The following CDCA7L variants were observed in gnomAD, a reference collection of about 807,000 sequenced individuals.
The protein encoded by CDCA7L is cell division cycle-associated 7-like protein.
In CDCA7L, 44 loss-of-function variants were observed where a neutral mutation model predicts 57.4. The ratio of observed to expected loss-of-function variants is 0.77; its 90% CI spans 0.60 to 0.98. The LOEUF is 0.98. Among genes scored for constraint, CDCA7L ranks in the 50% least tolerant of loss-of-function variants. The pLI, the probability that CDCA7L is intolerant of heterozygous loss-of-function variation, is 0.00. For synonymous variants in CDCA7L, 236 were observed against 202.8 expected (o/e 1.16, Z -1.39); for missense variants, 644 against 580.6 (o/e 1.11, Z -1.12).
At chr7:21,918,654 T>C (rs1268152936) in intron 1 of CDCA7L, among the ~76,000 whole-genome samples, 1 of 152,070 alleles carries the variant, frequency 6.6e-6, no homozygotes, top group African/African-American at 2.4e-5. Flanking sequence ...AATTTGGGAG[T>C]TGAATCCGGA....
At chr7:21,905,716 G>C (rs1010381993) in intron 6 of CDCA7L, 85 bp from the exon 7 acceptor site, 1 of 1,422,264 alleles carries the variant, frequency 7.0e-7, no homozygotes, top group East Asian at 2.5e-5. Context: ...CAAAGATCTA[G>C]CACCATTAAT....
chr7:21,901,760 C>CA lies in CDCA7L; in HGVS notation c.*561dup, dbSNP rs963298926. ...AGAGGCTAGCACTCTGTAAGGCCTC[C>CA]AGTGTCCAGTGTCTACAATGTTGAT... is the stretch of plus-strand genomic sequence containing the variant. On this transcript the variant is annotated 3_prime_UTR_variant, in exon 10 of 10. Transcript: ENST00000406877. The CA allele has an allele frequency of 7.1e-4, 11 of 15,422 alleles. No individual in the cohort carries two copies. Among genetic ancestry groups the CA allele is most frequent in the African/African-American group, 8.6e-4 (11 of 12,808 alleles). The allele number at this position is 15,422 out of a possible 1,614,324, so 1.0% of individuals were successfully genotyped here. A position where few individuals can be genotyped will look rare whatever the true frequency, so the allele number is the denominator to read the frequency against.
At chr7:21,931,915 C>T (rs1469988597) in intron 1 of CDCA7L, among the ~76,000 whole-genome samples, 5 of 152,198 alleles carry the variant, frequency 3.3e-5, no homozygotes, top group Non-Finnish European at 5.9e-5. Context: ...AAAATCCCAT[C>T]GTCTCAGCCC....
chr7:21,923,139 TTTATG>T (rs1178884730), intron 1 of CDCA7L, among the ~76,000 whole-genome samples: 1 of 152,100 alleles, frequency 6.6e-6, no homozygotes, highest in Non-Finnish European at 1.5e-5. Flanking sequence ...GATAGGAGAT[TTTATG>T]TTATATGTAT....
At chr7:21,930,810 G>A (rs1481235553) in intron 1 of CDCA7L, among the ~76,000 whole-genome samples, 1 of 151,480 alleles carries the variant, frequency 6.6e-6, no homozygotes. Context: ...AGGAGACAGG[G>A]ACATGAAAAA....
Position 21,906,307 on chromosome 7 carries a change from T to A in CDCA7L, c.903A>T (p.Arg301=), listed in dbSNP as rs1432031303. The A allele has an allele frequency of 6.3e-7, 1 of 1,598,006 alleles. No individual in the cohort carries two copies. Among genetic ancestry groups the A allele is most frequent in the Non-Finnish European group, 8.5e-7 (1 of 1,173,752 alleles). ...AAAATACCCCAATTGTCTTCCTTCT[T>A]CGGAAGCTGTAAAACTCTTCCGCAA... The part of the protein sequence containing the change: ...AKFAEEFYSF[R]RRKTIGGKCR... The change falls in exon 6 of 10, where the codon CGA becomes CGT. Residue 301 remains arginine (R), a synonymous_variant. Transcript: ENST00000406877.
chr7:21,925,110 A>C (rs1785782341), intron 1 of CDCA7L, among the ~76,000 whole-genome samples: 1 of 152,116 alleles, frequency 6.6e-6, no homozygotes, highest in African/African-American at 2.4e-5. Context: ...CAAACAAACA[A>C]AAAAAGGTAG....
intron 4 of CDCA7L, among the ~76,000 whole-genome samples, chr7:21,907,511 T>A (rs1255772783): frequency 6.6e-6 from 1 of 152,198 alleles, no homozygotes; most frequent in African/African-American, 2.4e-5. Context: ...AAACAATGAT[T>A]CTCTACAATG....
intron 6 of CDCA7L, among the ~76,000 whole-genome samples, chr7:21,905,992 G>A (rs75349879): frequency 0.027 from 4,047 of 152,272 alleles, 104 homozygotes; most frequent in African/African-American, 0.063. Context: ...AGGAATCACT[G>A]CACTTTTCTT....
intron 4 of CDCA7L, among the ~76,000 whole-genome samples, chr7:21,907,165 A>C (rs1785168187): frequency 6.6e-6 from 1 of 152,236 alleles, no homozygotes; most frequent in Non-Finnish European, 1.5e-5. Flanking sequence ...AGGCATTAAT[A>C]TGCCAGAGAA....
intron 7 of CDCA7L, 115 bp downstream of exon 7, chr7:21,905,391 T>A: frequency 3.4e-6 from 4 of 1,177,258 alleles, no homozygotes; most frequent in Non-Finnish European, 4.8e-6. Flanking sequence ...ATTCAGAGCC[T>A]GGCTCTGAGC....
intron 1 of CDCA7L, among the ~76,000 whole-genome samples, chr7:21,921,804 G>C (rs1432594117): frequency 1.3e-5 from 2 of 151,586 alleles, no homozygotes; most frequent in Non-Finnish European, 2.9e-5. Context: ...ATCTGAAAGT[G>C]AAAAGACCGT....
At chr7:21,905,206 G>C (rs762335933) in intron 7 of CDCA7L, among the ~76,000 whole-genome samples, 2 of 146,464 alleles carry the variant, frequency 1.4e-5, no homozygotes, top group Non-Finnish European at 3.0e-5. Context: ...TCAATATTTA[G>C]AACATAAAAC....
At chr7:21,929,491 A>G (rs903268721) in intron 1 of CDCA7L, among the ~76,000 whole-genome samples, 3 of 152,162 alleles carry the variant, frequency 2.0e-5, no homozygotes, top group African/African-American at 7.2e-5. Flanking sequence ...AAATGCCCCA[A>G]TTAAAAGACA....
Position 21,902,237 on chromosome 7 carries a change from A to G in CDCA7L, c.*85T>C. The G allele has an allele frequency of 1.7e-6, 2 of 1,185,046 alleles. No individual in the cohort carries two copies. The highest frequency in any genetic ancestry group is 1.3e-5 in the South Asian group (1 of 79,238). The allele number at this position is 1,185,046 out of a possible 1,614,324, so 73.4% of individuals were successfully genotyped here. A position where few individuals can be genotyped will look rare whatever the true frequency, so the allele number is the denominator to read the frequency against. On this transcript the variant is annotated 3_prime_UTR_variant, in exon 10 of 10. Coordinates refer to ENST00000406877, the MANE Select transcript of CDCA7L (RefSeq NM_018719.5). Reference sequence around the variant, plus strand: ...AATTTCTGTATAAAAACACAACTGTAAAAAAATCTTTCTTAGGCACCAATG... The same window carrying G: ...AATTTCTGTATAAAAACACAACTGTGAAAAAATCTTTCTTAGGCACCAATG...
intron 1 of CDCA7L, among the ~76,000 whole-genome samples, chr7:21,935,933 A>C (rs1387763253): frequency 1.3e-5 from 2 of 152,058 alleles, no homozygotes; most frequent in Admixed American, 6.6e-5. Context: ...GCTTGAACCC[A>C]GGAGGCGGAG....
intron 1 of CDCA7L, among the ~76,000 whole-genome samples, chr7:21,944,276 TAA>T (rs34883298): frequency 2.4e-3 from 328 of 135,316 alleles, no homozygotes; most frequent in South Asian, 9.6e-3. Context: ...CTGTCTCTAC[TAA>T]AAAAAAAAAA....
At chr7:21,911,402 G>A (rs955003111) in intron 3 of CDCA7L, among the ~76,000 whole-genome samples, 8 of 152,136 alleles carry the variant, frequency 5.3e-5, no homozygotes, top group Non-Finnish European at 1.0e-4. Flanking sequence ...AAGGCACGAG[G>A]AGAAGATGAA....
At chr7:21,945,390 C>T (rs889122326) in intron 1 of CDCA7L, among the ~76,000 whole-genome samples, 4 of 152,074 alleles carry the variant, frequency 2.6e-5, no homozygotes, top group Non-Finnish European at 4.4e-5. Context: ...CTTTCTTAAG[C>T]TTCCTGATCT....
Sources: allele counts gnomAD v4.1 joint callset (sites outside exome capture counted in the v4.1 genomes callset), GRCh38; gene constraint gnomAD v4.1.1; transcripts MANE v1.5; gene names NCBI Gene and HGNC (gene_info 2026-07-23, HGNC 2026-07-21).